GLIS3: variants seen among roughly 807,000 people sequenced by gnomAD.
The protein encoded by GLIS3 is GLIS family zinc finger 3, also known as zinc finger protein GLIS3.
Under a neutral mutation model 78.6 loss-of-function variants are expected in GLIS3, and 53 were observed. That is an observed-to-expected ratio of 0.67 (90% confidence interval 0.54 to 0.85). The LOEUF (loss-of-function observed/expected upper bound fraction) is 0.85. Ranked by LOEUF, GLIS3 falls within the 40% of genes least tolerant of loss-of-function variation. The pLI is 0.00. For missense variants in GLIS3, 1,703 were observed against 1,231.1 expected, an observed-to-expected ratio of 1.38 and a Z score of -5.74; for synonymous variants, 684 against 509.9, an observed-to-expected ratio of 1.34 and a Z score of -4.60.
chr9:4,183,539 G>C (rs1671562284), intron 2 of GLIS3, among the ~76,000 whole-genome samples: 1 of 152,102 alleles, frequency 6.6e-6, no homozygotes, highest in South Asian at 2.1e-4. Flanking sequence ...TTTTTTCTGA[G>C]CCCTAGTTCC....
intron 4 of GLIS3, among the ~76,000 whole-genome samples, chr9:4,052,863 A>C (rs1175449743): frequency 1.3e-5 from 2 of 152,194 alleles, no homozygotes; most frequent in Non-Finnish European, 2.9e-5. Flanking sequence ...GCTGGGTCAC[A>C]TAGTAATTCT....
chr9:4,399,742 A>G, the GLIS3 span, among the ~76,000 whole-genome samples: 2 of 152,184 alleles, frequency 1.3e-5, no homozygotes, highest in Non-Finnish European at 2.9e-5. Context: ...ACAATGTGAT[A>G]CATGCTACAG....
At chr9:4,164,755 G>C (rs1835752143) in intron 2 of GLIS3, among the ~76,000 whole-genome samples, 1 of 152,168 alleles carries the variant, frequency 6.6e-6, no homozygotes, top group Non-Finnish European at 1.5e-5. Flanking sequence ...TAAAGTGAGA[G>C]GCTTACTGAA....
rs1826184291 is a variant in GLIS3, at chr9:4,268,088, A to G, written c.388+17950T>C. Among the ~76,000 whole-genome samples the G allele has an allele frequency of 2.0e-5, 3 of 152,270 alleles. No homozygotes were observed. In the South Asian group the frequency reaches 6.2e-4, roughly 32 times the overall value. On this transcript the variant is annotated intron_variant, in intron 2 of 10. Transcript: ENST00000381971. ...ACACACTCACACACACATAGCCAGT[A>G]TGGCTTAGTGATTAAAAGCATGTAT...
intron 6 of GLIS3, among the ~76,000 whole-genome samples, chr9:3,904,584 G>A (rs1185739211): frequency 3.3e-5 from 5 of 152,098 alleles, no homozygotes; most frequent in African/African-American, 9.7e-5. Flanking sequence ...CCATATGACC[G>A]TTTGTTTCAG....
intron 2 of GLIS3, among the ~76,000 whole-genome samples, chr9:4,191,722 G>C (rs1041973814): frequency 3.9e-5 from 6 of 152,126 alleles, no homozygotes; most frequent in African/African-American, 1.2e-4. Context: ...TAACAAACAA[G>C]TCAATTAGTA....
chr9:4,356,375 G>T, the GLIS3 span, among the ~76,000 whole-genome samples: 25 of 152,266 alleles, frequency 1.6e-4, no homozygotes, highest in South Asian at 6.2e-4. Flanking sequence ...TTTCCACAGG[G>T]ATCCGACAAA....
chr9:4,371,924 T>C, the GLIS3 span, among the ~76,000 whole-genome samples: 13 of 152,224 alleles, frequency 8.5e-5, no homozygotes, highest in African/African-American at 3.1e-4. Context: ...CCTACTTCGA[T>C]GCTCAGCTCT....
intron 4 of GLIS3, among the ~76,000 whole-genome samples, chr9:3,966,077 CT>C (rs777955415): frequency 2.4e-4 from 36 of 152,174 alleles, no homozygotes; most frequent in Non-Finnish European, 4.7e-4. Context: ...AAATTGTGGT[CT>C]TTTGTTCATT....
At chr9:4,168,644 T>C (rs960680620) in intron 2 of GLIS3, among the ~76,000 whole-genome samples, 7 of 152,130 alleles carry the variant, frequency 4.6e-5, no homozygotes, top group Non-Finnish European at 1.0e-4. Flanking sequence ...TAAGCCAACA[T>C]TTTTACTTTA....
chr9:3,902,571 G>A (rs546961190), intron 6 of GLIS3, among the ~76,000 whole-genome samples: 1 of 152,322 alleles, frequency 6.6e-6, no homozygotes, highest in East Asian at 1.9e-4. Context: ...AGTGACAGGA[G>A]GGAGGGTCTT....
chr9:4,094,307 T>C (rs2130770079), intron 4 of GLIS3, among the ~76,000 whole-genome samples: 2 of 152,372 alleles, frequency 1.3e-5, no homozygotes, highest in East Asian at 3.8e-4. Flanking sequence ...TAGGAGAAAT[T>C]GACATGCTCA....
intron 4 of GLIS3, among the ~76,000 whole-genome samples, chr9:4,001,980 G>A (rs1009399619): frequency 6.6e-5 from 10 of 152,070 alleles, no homozygotes; most frequent in Admixed American, 1.3e-4. Context: ...CTCTAATAAC[G>A]TCCACTTCCT....
chr9:4,490,310 C>G, the GLIS3 span: 2 of 167,196 alleles, frequency 1.2e-5, no homozygotes, highest in African/African-American at 4.8e-5. Context: ...TGCCGCAGCG[C>G]TGGGCGCCCT....
At chr9:3,995,311 T>A (rs1010283276) in intron 4 of GLIS3, among the ~76,000 whole-genome samples, 1 of 152,132 alleles carries the variant, frequency 6.6e-6, no homozygotes, top group African/African-American at 2.4e-5. Flanking sequence ...ATAGAGTTAA[T>A]ATAGTCTCTA....
rs184174223 is a variant in GLIS3, at chr9:4,226,312, C to T, written c.388+59726G>A. Among the ~76,000 whole-genome samples the T allele has an allele frequency of 1.8e-3, 267 of 152,262 alleles. 3 individuals are homozygous for T. The highest frequency in any genetic ancestry group is 3.0e-3 in the Non-Finnish European group (204 of 68,026). On this transcript the variant is annotated intron_variant, in intron 2 of 10. Transcript: ENST00000381971. The stretch of plus-strand genomic sequence containing the variant: ...CATTCTTCCCAACTAAACTATAAAA[C>T]TCCGTAAAGATAGGTCCATATACAT...
chr9:3,896,986 G>A (rs888155816), intron 7 of GLIS3, among the ~76,000 whole-genome samples: 3 of 152,182 alleles, frequency 2.0e-5, no homozygotes, highest in African/African-American at 7.2e-5. Flanking sequence ...AACATTTCAA[G>A]CTGAACCTTA....
chr9:4,448,421 T>C, the GLIS3 span, among the ~76,000 whole-genome samples: 1 of 152,346 alleles, frequency 6.6e-6, no homozygotes, highest in South Asian at 2.1e-4. Flanking sequence ...TATCTCCTGA[T>C]GGCAGAGAAG....
At chr9:4,260,751 GA>G (rs892241243) in intron 2 of GLIS3, among the ~76,000 whole-genome samples, 3 of 149,028 alleles carry the variant, frequency 2.0e-5, no homozygotes, top group African/African-American at 7.4e-5. Flanking sequence ...TCCCAAAAAA[GA>G]AAAAAAAAGA....
Sources: allele counts gnomAD v4.1 joint callset (sites outside exome capture counted in the v4.1 genomes callset), GRCh38; gene constraint gnomAD v4.1.1; transcripts MANE v1.5; gene names NCBI Gene and HGNC (gene_info 2026-07-23, HGNC 2026-07-21).